The following ZNF600 variants were observed in gnomAD, a reference collection of about 807,000 sequenced individuals.
ZNF600 encodes the protein zinc finger protein KR-ZNF1.
ZNF600 carries 4 observed loss-of-function variants against 7.3 expected under a neutral mutation model. That is an observed-to-expected ratio of 0.55 (90% CI 0.27 to 1.25). The LOEUF (loss-of-function observed/expected upper bound fraction) is 1.25, where lower values mean the gene tolerates loss of function less well. Among genes scored for constraint, ZNF600 ranks in the 50% most tolerant of loss-of-function variants. ZNF600 has a pLI of 0.12. For synonymous variants in ZNF600, 290 were observed against 308.9 expected (o/e 0.94, Z 0.64); for missense variants, 911 against 922.1 (o/e 0.99, Z 0.16).
At chr19:52,800,115 T>C in the ZNF600 span, 6 of 1,614,018 alleles carry the variant, frequency 3.7e-6, no homozygotes, top group Non-Finnish European at 5.1e-6. Context: ...TTTGTACGGT[T>C]TCTCTCCAGT....
upstream of ZNF600, among the ~76,000 whole-genome samples, chr19:52,788,502 C>T (rs886209162): frequency 6.6e-6 from 1 of 152,130 alleles, no homozygotes; most frequent in African/African-American, 2.4e-5. Context: ...CAGGGGAGAC[C>T]TCACCAGGGA....
chr19:52,806,034 T>C, the ZNF600 span: 4 of 152,162 alleles, frequency 2.6e-5, no homozygotes, highest in African/African-American at 4.8e-5. Context: ...AACTGGCATA[T>C]GTATACCTTC....
the ZNF600 span, among the ~76,000 whole-genome samples, chr19:52,817,268 A>T: frequency 2.6e-5 from 4 of 152,148 alleles, no homozygotes; most frequent in African/African-American, 9.6e-5. Flanking sequence ...GCTACTCGGG[A>T]GGCTGAGGCA....
At chr19:52,816,832 G>A in the ZNF600 span, among the ~76,000 whole-genome samples, 3,459 of 91,262 alleles carry the variant, frequency 0.038, no homozygotes, top group Middle Eastern at 0.043. Flanking sequence ...CTCCGTTTCA[G>A]AAAATAATAA....
upstream of ZNF600, among the ~76,000 whole-genome samples, chr19:52,790,956 C>T (rs575986902): frequency 4.5e-4 from 69 of 152,044 alleles, no homozygotes; most frequent in Admixed American, 1.1e-3. Flanking sequence ...GCTGGGATTA[C>T]AAGTGTGAGC....
intron 3 of ZNF600, among the ~76,000 whole-genome samples, chr19:52,768,429 G>T (rs2062606171): frequency 7.4e-6 from 1 of 134,438 alleles, no homozygotes. Context: ...GACAAAGTGA[G>T]ACTCCACCTC....
chr19:52,783,940 G>A (rs2062744023), intron 1 of ZNF600, among the ~76,000 whole-genome samples: 1 of 152,080 alleles, frequency 6.6e-6, no homozygotes, highest in Admixed American at 6.6e-5. Context: ...AGGGCGTGGT[G>A]GCGCATGCCA....
exon 4 of ZNF600, chr19:52,766,545 T>A (rs762642697): frequency 5.6e-6 from 9 of 1,614,202 alleles, no homozygotes; most frequent in Non-Finnish European, 7.6e-6. Flanking sequence ...AATTCTAGTA[T>A]GTCTTACCAG....
At chr19:52,796,907 A>G in the ZNF600 span, among the ~76,000 whole-genome samples, 19 of 152,342 alleles carry the variant, frequency 1.2e-4, no homozygotes, top group Middle Eastern at 3.4e-3. Flanking sequence ...ACAGATTTGT[A>G]CCATTTTATT....
At chr19:52,790,682 C>CTT (rs71183835), upstream of ZNF600, among the ~76,000 whole-genome samples, 122 of 98,556 alleles carry the variant, frequency 1.2e-3, no homozygotes, top group South Asian at 1.8e-3. Context: ...TCTCTCTCTC[C>CTT]TTTTTTTTTT....
upstream of ZNF600, among the ~76,000 whole-genome samples, chr19:52,787,250 A>G (rs1034597256): frequency 1.3e-5 from 2 of 151,876 alleles, no homozygotes; most frequent in Non-Finnish European, 2.9e-5. Flanking sequence ...CACAGCAGGG[A>G]TGCGGGCACG....
At chr19:52,802,466 C>G in the ZNF600 span, among the ~76,000 whole-genome samples, 1 of 152,022 alleles carries the variant, frequency 6.6e-6, no homozygotes, top group Non-Finnish European at 1.5e-5. Context: ...GATCACCTCA[C>G]GTCAGGAGTT....
chr19:52,801,993 A>G, the ZNF600 span, among the ~76,000 whole-genome samples: 3 of 152,308 alleles, frequency 2.0e-5, no homozygotes, highest in African/African-American at 7.2e-5. Context: ...CCTAAAGTGT[A>G]TCACACTTTG....
At chr19:52,797,696 T>C in the ZNF600 span, 3 of 154,020 alleles carry the variant, frequency 1.9e-5, no homozygotes, top group Middle Eastern at 3.4e-3. Flanking sequence ...TTGATCAAAA[T>C]GATTAAAAAC....
the ZNF600 span, among the ~76,000 whole-genome samples, chr19:52,808,951 A>T: frequency 6.6e-6 from 1 of 152,212 alleles, no homozygotes; most frequent in African/African-American, 2.4e-5. Context: ...TTTGTCCCAG[A>T]TTTTCAAAAT....
chr19:52,792,360 T>C, the ZNF600 span, among the ~76,000 whole-genome samples: 1 of 152,034 alleles, frequency 6.6e-6, no homozygotes, highest in Non-Finnish European at 1.5e-5. Flanking sequence ...CCCCTTCTAT[T>C]CAAAGTCACC....
chr19:52,782,211 G>GT (rs1182327806), intron 1 of ZNF600, among the ~76,000 whole-genome samples: 1 of 152,082 alleles, frequency 6.6e-6, no homozygotes, highest in Admixed American at 6.6e-5. Flanking sequence ...CTGGACAGCA[G>GT]TAAGAGTGTC....
chr19:52,809,427 A>G, the ZNF600 span, among the ~76,000 whole-genome samples: 10 of 151,442 alleles, frequency 6.6e-5, no homozygotes, highest in African/African-American at 1.5e-4. Flanking sequence ...ATATCGAACT[A>G]AAATATTTAC....
upstream of ZNF600, among the ~76,000 whole-genome samples, chr19:52,789,723 G>A (rs535121436): frequency 6.6e-6 from 1 of 152,288 alleles, no homozygotes; most frequent in South Asian, 2.1e-4. Context: ...CTGTACTCCA[G>A]CCTGGACAAC....
Sources: gnomAD v4.1 joint callset for allele counts (sites outside exome capture counted in the v4.1 genomes callset) on GRCh38, gnomAD v4.1.1 for gene constraint, MANE v1.5 for transcripts, NCBI Gene and HGNC (gene_info 2026-07-23, HGNC 2026-07-21) for gene names.